Variants in FBXO43 observed in about 807,000 individuals in gnomAD.
FBXO43 encodes the protein F-box protein 43, also known as F-box only protein 43.
In FBXO43, 22 loss-of-function variants were observed where a neutral mutation model predicts 56.7. The observed-to-expected ratio is 0.39, with a 90% CI of 0.28 to 0.55. The LOEUF is 0.55. Ranked by LOEUF, FBXO43 falls within the 20% of genes least tolerant of loss-of-function variation. FBXO43 has a pLI of 0.66. For missense variants in FBXO43, 733 were observed against 814.9 expected, an observed-to-expected ratio of 0.90 and a Z score of 1.22; for synonymous variants, 306 against 294.5, an observed-to-expected ratio of 1.04 and a Z score of -0.40.
chr8:100,141,483 A>G lies in FBXO43; in HGVS notation c.771T>C (p.Asn257=). ...VECISPIQGN[N]FKDSITHDFS... ...AGTCATGTGTGATAGAGTCTTTAAA[A>G]TTATTGCCCTGAATTGGAGATATAC... Residue 257 remains asparagine (N), a synonymous_variant, in exon 2 of 5, where the codon AAT becomes AAC. Coordinates refer to ENST00000428847, the MANE Select transcript of FBXO43 (RefSeq NM_001029860.4). 6.2e-7 allele frequency: 1 copy of G among 1,613,120 alleles called. No homozygotes were observed. Among genetic ancestry groups the G allele is most frequent in the Non-Finnish European group, 8.5e-7 (1 of 1,180,006 alleles).
upstream of FBXO43, chr8:100,145,920 G>C (rs3104192): frequency 0.049 from 7,418 of 152,838 alleles, 538 homozygotes; most frequent in African/African-American, 0.15. Context: ...CCGCCCGCAG[G>C]CCTGGGTCCT....
Position 100,141,751 on chromosome 8 carries a change from T to A in FBXO43, c.503A>T (p.Asp168Val), listed in dbSNP as rs1452855825. 5.0e-6 allele frequency: 8 copies of A among 1,595,122 alleles called. No homozygotes were observed. The highest frequency in any genetic ancestry group is 2.2e-5 in the East Asian group (1 of 44,552). The change falls in exon 2 of 5, where the codon GAC (aspartate) becomes GTC (valine). Residue 168 changes from aspartate to valine, a missense_variant. Transcript: ENST00000428847. Reference sequence around the variant, plus strand: ...TAAAGAACTATTTTGTGATTCAAAGTCCCCTTTTAGAAGAGCGAAAGATAC... The same window carrying A: ...TAAAGAACTATTTTGTGATTCAAAGACCCCTTTTAGAAGAGCGAAAGATAC... Reference protein sequence around the residue: ...LNVSFALLKGDFESQNSSLES... With the variant: ...LNVSFALLKGVFESQNSSLES...
chr8:100,134,372 A>G lies in FBXO43; in HGVS notation c.1675-8T>C. ...GACATTTAATACAGCCCCCTGTGGT[A>G]AAGGACAAGAGGCATCAATACTGCA... On this transcript the variant is annotated splice_polypyrimidine_tract_variant and splice_region_variant and intron_variant, in intron 3 of 4. Transcript: ENST00000428847. The G allele has an allele frequency of 6.2e-7, 1 of 1,612,352 alleles. No individual in the cohort carries two copies. The highest frequency in any genetic ancestry group is 1.1e-5 in the South Asian group (1 of 90,988).
In FBXO43 at chr8:100,141,238, A is replaced by G; in HGVS notation, c.1016T>C (p.Leu339Pro). Reference protein sequence around the residue: ...STPEDSGFNSLSLEKSEDSLS... With the variant: ...STPEDSGFNSPSLEKSEDSLS... ...GGAATCTTCTGATTTCTCCAAGCTAAGTGAGTTAAAACCACTGTCTTCAGG... is the reference window on the plus strand; with the variant it reads ...GGAATCTTCTGATTTCTCCAAGCTAGGTGAGTTAAAACCACTGTCTTCAGG... The change falls in exon 2 of 5, where the codon CTT becomes CCT. Residue 339 changes from leucine to proline, a missense_variant. By Grantham distance (98) the Leu-to-Pro change is moderately conservative (BLOSUM62 -3). Coordinates refer to ENST00000428847, the MANE Select transcript of FBXO43 (RefSeq NM_001029860.4). The G allele has an allele frequency of 6.2e-7, 1 of 1,614,156 alleles. No homozygotes were observed. Among genetic ancestry groups the G allele is most frequent in the Non-Finnish European group, 8.5e-7 (1 of 1,180,028 alleles).
At position 100,141,332 on chromosome 8, in the gene FBXO43, C is replaced by A; in HGVS notation, c.922G>T (p.Ala308Ser). 6.2e-7 allele frequency: 1 copy of A among 1,613,774 alleles called. No homozygotes were observed. The highest frequency in any genetic ancestry group is 1.1e-5 in the South Asian group (1 of 91,082). ...IFVTPISNLVANIRFNASQIL... is the reference protein window; with the variant it reads ...IFVTPISNLVSNIRFNASQIL... ...TGACTTGCGTTAAATCTAATGTTTG[C>A]CACAAGATTACTTATCGGAGTCACA... Residue 308 changes from alanine to serine, a missense_variant, in exon 2 of 5, where the codon GCA (alanine) becomes TCA (serine). Transcript: ENST00000428847.
At chr8:100,139,096 T>C (rs1814561586) in intron 2 of FBXO43, among the ~76,000 whole-genome samples, 1 of 152,126 alleles carries the variant, frequency 6.6e-6, no homozygotes, top group Non-Finnish European at 1.5e-5. Context: ...GAGGGCTCAT[T>C]ATAGACCTAG....
At chr8:100,148,467 A>C (rs1814867483), upstream of FBXO43, among the ~76,000 whole-genome samples, 1 of 152,154 alleles carries the variant, frequency 6.6e-6, no homozygotes, top group African/African-American at 2.4e-5. Context: ...GCTGAAGTGA[A>C]GTGGGGCAAT....
chr8:100,140,639 T>C (rs768363063), intron 2 of FBXO43, 44 bp downstream of exon 2: 1 of 1,494,440 alleles, frequency 6.7e-7, no homozygotes, highest in African/African-American at 1.4e-5. Context: ...ACTTTTCAAC[T>C]TAAAAAAAGA....
chr8:100,141,473 A>C lies in FBXO43; in HGVS notation c.781T>G (p.Ser261Ala), dbSNP rs1314750370. Residue 261 changes from serine to alanine, a missense_variant, in exon 2 of 5, where the codon TCT becomes GCT. Ser to Ala is a moderately conservative substitution (Grantham distance 99). Coordinates refer to ENST00000428847, the MANE Select transcript of FBXO43 (RefSeq NM_001029860.4). The part of the protein sequence containing the change: ...SPIQGNNFKD[S>A]ITHDFSDSSL... ...CTATCACTAAAGTCATGTGTGATAG[A>C]GTCTTTAAAATTATTGCCCTGAATT... is the stretch of plus-strand genomic sequence containing the variant. 2 of 1,613,144 alleles carry C rather than the reference A, an allele frequency of 1.2e-6. No homozygotes were observed. The highest frequency in any genetic ancestry group is 2.2e-5 in the East Asian group (1 of 44,886).
chr8:100,148,636 C>G (rs775170907), upstream of FBXO43, among the ~76,000 whole-genome samples: 33 of 152,188 alleles, frequency 2.2e-4, no homozygotes, highest in Non-Finnish European at 4.6e-4. Context: ...TGGTCTTGAA[C>G]TCCTGACCTC....
intron 1 of FBXO43, 115 bp from the exon 2 acceptor site, chr8:100,142,283 T>TCCATTATTTGTTA: frequency 9.5e-7 from 1 of 1,053,648 alleles, no homozygotes. Flanking sequence ...ATGACAATTT[T>TCCATTATTTGTTA]TGAAAAGTTA....
chr8:100,138,915 A>G (rs1814555418), intron 2 of FBXO43, among the ~76,000 whole-genome samples: 1 of 152,154 alleles, frequency 6.6e-6, no homozygotes, highest in Non-Finnish European at 1.5e-5. Flanking sequence ...CCATCTCCTT[A>G]ATTTTTTAAA....
chr8:100,141,056 T>G lies in FBXO43; in HGVS notation c.1198A>C (p.Lys400Gln). The G allele has an allele frequency of 6.2e-7, 1 of 1,614,212 alleles. No homozygotes were observed. The highest frequency in any genetic ancestry group is 8.5e-7 in the Non-Finnish European group (1 of 1,180,044). ...QSSQSETEEE[K>Q]QIVHPDSEKR... Reference sequence around the variant, plus strand: ...TCAGAGTCAGGGTGGACAATCTGCTTTTCCTCTTCTGTCTCTGACTGCGAG... The same window carrying G: ...TCAGAGTCAGGGTGGACAATCTGCTGTTCCTCTTCTGTCTCTGACTGCGAG... Residue 400 changes from lysine (K) to glutamine (Q), a missense_variant, in exon 2 of 5, where the codon AAG (lysine) becomes CAG (glutamine). Coordinates refer to ENST00000428847, the MANE Select transcript of FBXO43 (RefSeq NM_001029860.4).
chr8:100,141,993 A>G lies in FBXO43; in HGVS notation c.261T>C (p.Asp87=), dbSNP rs761409719. The G allele has an allele frequency of 3.7e-6, 6 of 1,611,954 alleles. No homozygotes were observed. The Admixed American group carries it at 5.0e-5, about 14-fold the overall frequency. ...GYNELKSCSF[D]NIDKEYLGKK... ...TTCCAAGATATTCTTTATCTATATT[A>G]TCAAAGCTACAAGATTTTAACTCAT... The change falls in exon 2 of 5, where the codon GAT becomes GAC. Residue 87 remains aspartate, a synonymous_variant. Transcript: ENST00000428847.
Position 100,133,499 on chromosome 8 carries a change from A to C in FBXO43, c.*303T>G, listed in dbSNP as rs1192374084. 1 of 211,070 alleles carries C rather than the reference A, an allele frequency of 4.7e-6. No homozygotes were observed. Among genetic ancestry groups the C allele is most frequent in the Non-Finnish European group, 9.4e-6 (1 of 106,588 alleles). The allele number at this position is 211,070 out of a possible 1,614,324, so 13.1% of individuals were successfully genotyped here. On this transcript the variant is annotated 3_prime_UTR_variant, in exon 5 of 5. Coordinates refer to ENST00000428847, the MANE Select transcript of FBXO43 (RefSeq NM_001029860.4). ...TAAAAAATGATTGAAGAACATGTCA[A>C]GAGTGATGAAATGCACAAATTTAAA...
rs1410500831 is a variant in FBXO43 at position 100,134,297 on chromosome 8, G to A, written c.1742C>T (p.Ser581Phe). The A allele has an allele frequency of 6.2e-7, 1 of 1,614,114 alleles. No homozygotes were observed. The highest frequency in any genetic ancestry group is 8.5e-7 in the Non-Finnish European group (1 of 1,180,040). The stretch of plus-strand genomic sequence containing the variant: ...AGGTATCCTAGCCTGTGCCTGCACA[G>A]ATCTTAAAGCTGAGCGATTTAAAAG... ...LQLLNRSALR[S>F]VQAQARIPGS... is the part of the protein sequence containing the mutation. Residue 581 changes from serine (S) to phenylalanine (F), a missense_variant, in exon 4 of 5, where the codon TCT becomes TTT. Coordinates refer to ENST00000428847, the MANE Select transcript of FBXO43 (RefSeq NM_001029860.4).
At chr8:100,139,821 A>G (rs1004580672) in intron 2 of FBXO43, among the ~76,000 whole-genome samples, 18 of 152,266 alleles carry the variant, frequency 1.2e-4, no homozygotes, top group Admixed American at 9.2e-4. Flanking sequence ...TGTTAACAAT[A>G]AAAATGAAAT....
chr8:100,137,020 C>T (rs1380069849), intron 3 of FBXO43: 2 of 151,852 alleles, frequency 1.3e-5, no homozygotes, highest in Admixed American at 1.3e-4. Flanking sequence ...AAGAGCACAC[C>T]CACGTAAGCA....
upstream of FBXO43, among the ~76,000 whole-genome samples, chr8:100,148,240 G>A (rs563812763): frequency 7.9e-6 from 1 of 126,800 alleles, no homozygotes; most frequent in African/African-American, 2.9e-5. Context: ...AGGAGTGAAA[G>A]ACTATATCAT....
Sources: allele counts gnomAD v4.1 joint callset (sites outside exome capture counted in the v4.1 genomes callset), GRCh38; gene constraint gnomAD v4.1.1; transcripts MANE v1.5; gene names NCBI Gene and HGNC (gene_info 2026-07-23, HGNC 2026-07-21).